OTOG: variants seen among roughly 807,000 people sequenced by gnomAD.
OTOG encodes the protein otogelin.
OTOG carries 296 observed loss-of-function variants against 313.8 expected under a neutral mutation model. The ratio of observed to expected loss-of-function variants is 0.94; its 90% CI spans 0.86 to 1.04. The LOEUF (loss-of-function observed/expected upper bound fraction) is 1.04, where lower values mean the gene tolerates loss of function less well. Ranked by LOEUF, OTOG falls within the 50% of genes least tolerant of loss-of-function variation. The pLI, the probability that OTOG is intolerant of heterozygous loss-of-function variation, is 0.00. For synonymous variants in OTOG, 1,533 were observed against 1,554.9 expected (o/e 0.99, Z 0.33); for missense variants, 3,948 against 3,840.1 (o/e 1.03, Z -0.74).
rs890100951 is a variant in OTOG, at chr11:17,645,603, G to A, written c.8501G>A (p.Arg2834His). The A allele has an allele frequency of 7.1e-6, 11 of 1,550,518 alleles. No individual in the cohort carries two copies. Among genetic ancestry groups the A allele is most frequent in the African/African-American group, 1.4e-5 (1 of 73,062 alleles). ...DGRSCKKVTI[R>H]MTIRKNECRS... ...CGCTCCTGCAAGAAGGTGACCATCC[G>A]CATGACCATCCGCAAGAATGAATGC... Residue 2834 changes from arginine (R) to histidine (H), a missense_variant, in exon 55 of 56, where the codon CGC becomes CAC. Physicochemically the swap from Arg to His is conservative, Grantham distance 29. Transcript: ENST00000399397.
chr11:17,642,158 G>A lies in OTOG; in HGVS notation c.8327G>A (p.Arg2776His), dbSNP rs558314848. The change falls in exon 53 of 56, where the codon CGC becomes CAC. Residue 2776 changes from arginine (R) to histidine (H), a missense_variant. By Grantham distance (29) the Arg-to-His change is conservative. Coordinates refer to ENST00000399397, the MANE Select transcript of OTOG (RefSeq NM_001292063.2). ...GCATCCTGGATCGCAGACTGCGCCC[G>A]CCACCACTGCAGCAGCACGCCCCTG... ...PGASWIADCA[R>H]HHCSSTPLGA... 1.5e-4 allele frequency: 226 copies of A among 1,549,554 alleles called. No individual in the cohort carries two copies. Among genetic ancestry groups the A allele is most frequent in the African/African-American group, 2.6e-4 (19 of 73,138 alleles).
rs900828916 is a variant in OTOG, at chr11:17,570,161, G to A, written c.1778-52G>A. ...GGCCAGGCAGGTGGTGGTGGTGGGCGGGGTGTGTACTGGCTGCCCTCCCAC... is the reference window on the plus strand; with the variant it reads ...GGCCAGGCAGGTGGTGGTGGTGGGCAGGGTGTGTACTGGCTGCCCTCCCAC... On this transcript the variant is annotated intron_variant, in intron 16 of 55. Coordinates refer to ENST00000399397, the MANE Select transcript of OTOG (RefSeq NM_001292063.2). 52 of 1,476,436 alleles carry A rather than the reference G, an allele frequency of 3.5e-5. 1 individual carries two copies. The highest frequency in any genetic ancestry group is 1.5e-4 in the South Asian group (12 of 80,644). 91.5% of individuals were successfully genotyped at this position (1,476,436 alleles called of 1,614,324 possible). A position where few individuals can be genotyped will look rare whatever the true frequency, so the allele number is the denominator to read the frequency against.
chr11:17,629,803 C>T lies in OTOG; in HGVS notation c.6712+487C>T, dbSNP rs76194092. On this transcript the variant is annotated intron_variant, in intron 40 of 55. Coordinates refer to ENST00000399397, the MANE Select transcript of OTOG (RefSeq NM_001292063.2). ...AACTAATGCTCTTCAGACCATAGCA[C>T]AATTGCAGAGCATGCCCTAAAAGAT... 4.7e-3 allele frequency among the ~76,000 whole-genome samples: 709 copies of T among 152,284 alleles called. 6 individuals are homozygous for T. The highest frequency in any genetic ancestry group is 0.016 in the African/African-American group (667 of 41,552).
chr11:17,617,153 T>A (rs1266797544), intron 39 of OTOG, among the ~76,000 whole-genome samples: 3 of 152,246 alleles, frequency 2.0e-5, no homozygotes, highest in Admixed American at 6.5e-5. Flanking sequence ...TTTGATGAAT[T>A]ACATTGATTT....
chr11:17,548,335 C>A, intron 3 of OTOG, 123 bp downstream of exon 3: 1 of 747,234 alleles, frequency 1.3e-6, no homozygotes, highest in Non-Finnish European at 2.0e-6. Flanking sequence ...AAGGAACAAG[C>A]AGATTCCTGG....
chr11:17,602,143 G>A, intron 31 of OTOG, 67 bp from the exon 32 acceptor site: 3 of 1,515,238 alleles, frequency 2.0e-6, no homozygotes, highest in South Asian at 1.3e-5. Context: ...GCCAAGGGGT[G>A]GGGCAGGAGG....
chr11:17,612,086 T>A, intron 36 of OTOG, 76 bp from the exon 37 acceptor site: 1 of 1,505,076 alleles, frequency 6.6e-7, no homozygotes, highest in Non-Finnish European at 9.0e-7. Flanking sequence ...GTGGGAAGGA[T>A]CTGGTGCCAT....
At chr11:17,577,308 TA>T (rs1852552097) in intron 22 of OTOG, among the ~76,000 whole-genome samples, 1 of 152,074 alleles carries the variant, frequency 6.6e-6, no homozygotes, top group African/African-American at 2.4e-5. Flanking sequence ...GTCACAGAGG[TA>T]GGCAGGACAG....
At position 17,633,765 on chromosome 11, in the gene OTOG, G is replaced by A. The variant is rs1457353557; in HGVS notation, c.7158G>A (p.Gly2386=). The change falls in exon 43 of 56, where the codon GGG becomes GGA. Residue 2386 remains glycine (G), a synonymous_variant. Transcript: ENST00000399397. ...AGACATGCCAGGATGGGATACTAGGGCCTCTGGACCCAGAGCACTGCCAGG... is the reference window on the plus strand; with the variant it reads ...AGACATGCCAGGATGGGATACTAGGACCTCTGGACCCAGAGCACTGCCAGG... ...PPKTCQDGIL[G]PLDPEHCQVL... 5 of 1,550,488 alleles carry A rather than the reference G, an allele frequency of 3.2e-6. No individual in the cohort carries two copies. The highest frequency in any genetic ancestry group is 4.4e-6 in the Non-Finnish European group (5 of 1,146,972).
chr11:17,631,652 G>A (rs1590055374), intron 40 of OTOG, 50 bp from the exon 41 acceptor site: 1 of 1,423,422 alleles, frequency 7.0e-7, no homozygotes, highest in South Asian at 1.3e-5. Context: ...CTGACGACAT[G>A]GGAGTGGTAG....
chr11:17,624,822 G>C (rs7395804), intron 39 of OTOG, among the ~76,000 whole-genome samples: 37,968 of 151,960 alleles, frequency 0.25, 5,383 homozygotes, highest in African/African-American at 0.39. Flanking sequence ...TGTGTCATCT[G>C]TGATTTATTT....
chr11:17,561,058 T>C, intron 13 of OTOG, 33 bp from the exon 14 acceptor site: 2 of 1,550,236 alleles, frequency 1.3e-6, no homozygotes, highest in Middle Eastern at 1.7e-4. Context: ...CCTGGAGGGG[T>C]GACCTCTTGC....
At chr11:17,600,471 G>A (rs946844588) in intron 31 of OTOG, among the ~76,000 whole-genome samples, 5 of 152,238 alleles carry the variant, frequency 3.3e-5, no homozygotes, top group African/African-American at 1.2e-4. Context: ...TATGTGGGCA[G>A]AGGCCCAGAC....
At chr11:17,640,199 G>A (rs1044441799) in intron 49 of OTOG, among the ~76,000 whole-genome samples, 1 of 152,098 alleles carries the variant, frequency 6.6e-6, no homozygotes, top group Non-Finnish European at 1.5e-5. Context: ...ACAACCCTGT[G>A]AGGTTGTTTC....
At chr11:17,612,829 C>A in intron 38 of OTOG, 64 bp downstream of exon 38, 1 of 1,493,040 alleles carries the variant, frequency 6.7e-7, no homozygotes. Flanking sequence ...AGAGGGGAGA[C>A]GGAGCAGTGA....
intron 36 of OTOG, 148 bp from the exon 37 acceptor site, chr11:17,612,014 T>C: frequency 1.1e-6 from 1 of 941,410 alleles, no homozygotes; most frequent in Non-Finnish European, 1.6e-6. Context: ...ACATGGCTTG[T>C]GGTGGGTAGG....
intron 7 of OTOG, among the ~76,000 whole-genome samples, chr11:17,556,682 C>T (rs1852063324): frequency 6.6e-6 from 1 of 152,140 alleles, no homozygotes. Context: ...TCAAGGTTGC[C>T]AAATTCCAGG....
chr11:17,575,888 C>T (rs751974907), intron 20 of OTOG, among the ~76,000 whole-genome samples: 5 of 152,124 alleles, frequency 3.3e-5, no homozygotes, highest in African/African-American at 4.8e-5. Flanking sequence ...TTTCGGCGTC[C>T]GGTCCATAAC....
intron 19 of OTOG, among the ~76,000 whole-genome samples, chr11:17,574,124 A>C (rs1219061825): frequency 6.6e-6 from 1 of 152,186 alleles, no homozygotes; most frequent in East Asian, 1.9e-4. Context: ...AGAACAGCTG[A>C]ACTGGATGGT....
Sources: allele counts gnomAD v4.1 joint callset (sites outside exome capture counted in the v4.1 genomes callset), GRCh38; gene constraint gnomAD v4.1.1; transcripts MANE v1.5; gene names NCBI Gene and HGNC (gene_info 2026-07-23, HGNC 2026-07-21).